PIK3C2G: variants seen among roughly 807,000 people sequenced by gnomAD.
PIK3C2G encodes phosphatidylinositol 3-kinase C2 domain-containing subunit gamma.
PIK3C2G carries 168 observed loss-of-function variants against 181.1 expected under a neutral mutation model. The observed-to-expected ratio is 0.93, with a 90% confidence interval of 0.82 to 1.05. The LOEUF is 1.05. Among genes scored for constraint, PIK3C2G ranks in the 50% least tolerant of loss-of-function variants. The pLI is 0.00. For synonymous variants in PIK3C2G, 573 were observed against 592.2 expected, an observed-to-expected ratio of 0.97 and a Z score of 0.47; for missense variants, 1,869 against 1,732.8, an observed-to-expected ratio of 1.08 and a Z score of -1.40.
chr12:18,542,054 G>A (rs151049480), intron 25 of PIK3C2G, among the ~76,000 whole-genome samples: 196 of 151,896 alleles, frequency 1.3e-3, no homozygotes, highest in African/African-American at 4.3e-3. Flanking sequence ...GCAAGGGAAC[G>A]AGTAAGTATA....
intron 29 of PIK3C2G, among the ~76,000 whole-genome samples, chr12:18,593,104 G>A (rs939357915): frequency 3.9e-5 from 6 of 151,934 alleles, no homozygotes; most frequent in East Asian, 1.9e-4. Context: ...TTCCTTCTAT[G>A]AGTGTGTCCA....
chr12:18,637,466 G>T (rs1565587282), intron 31 of PIK3C2G, among the ~76,000 whole-genome samples: 1 of 150,774 alleles, frequency 6.6e-6, no homozygotes, highest in Non-Finnish European at 1.5e-5. Flanking sequence ...TTCACTTCAA[G>T]GAACACATAA....
chr12:18,713,393 C>T, the PIK3C2G span, among the ~76,000 whole-genome samples: 1 of 152,098 alleles, frequency 6.6e-6, no homozygotes, highest in Non-Finnish European at 1.5e-5. Flanking sequence ...TCAAAGCCCT[C>T]TCAGAATAGT....
intron 1 of PIK3C2G, 91 bp from the exon 2 acceptor site, chr12:18,281,913 C>T (rs1457463523): frequency 1.8e-6 from 1 of 551,796 alleles, no homozygotes; most frequent in Non-Finnish European, 3.2e-6. Context: ...GCCCACAAAA[C>T]AGTTAGTTAT....
At chr12:18,393,982 T>C (rs1052847364) in intron 15 of PIK3C2G, among the ~76,000 whole-genome samples, 1 of 152,088 alleles carries the variant, frequency 6.6e-6, no homozygotes, top group Non-Finnish European at 1.5e-5. Context: ...TTCTTAAATA[T>C]TTGGTTGAGT....
chr12:18,710,836 G>A, the PIK3C2G span, among the ~76,000 whole-genome samples: 3 of 152,046 alleles, frequency 2.0e-5, no homozygotes, highest in Non-Finnish European at 2.9e-5. Flanking sequence ...ACAATGAGAT[G>A]CAATCTCACA....
chr12:18,248,979 C>T (rs1948069654), intron 1 of PIK3C2G, among the ~76,000 whole-genome samples: 1 of 152,134 alleles, frequency 6.6e-6, no homozygotes, highest in Non-Finnish European at 1.5e-5. Flanking sequence ...GACTCTAGCG[C>T]ATATTCTCTT....
At chr12:18,269,282 G>A (rs1306464011) in intron 1 of PIK3C2G, among the ~76,000 whole-genome samples, 1 of 151,924 alleles carries the variant, frequency 6.6e-6, no homozygotes, top group Non-Finnish European at 1.5e-5. Flanking sequence ...CATTAAGTAG[G>A]TATCTGTTCA....
intron 20 of PIK3C2G, 134 bp downstream of exon 20, chr12:18,491,692 C>T (rs1940584980): frequency 1.8e-6 from 1 of 557,310 alleles, no homozygotes; most frequent in African/African-American, 1.9e-5. Flanking sequence ...TAACTGAATC[C>T]ATTTACATTG....
At chr12:18,378,869 T>G (rs1346094715) in intron 13 of PIK3C2G, among the ~76,000 whole-genome samples, 1 of 152,122 alleles carries the variant, frequency 6.6e-6, no homozygotes, top group Non-Finnish European at 1.5e-5. Context: ...AAACAACAGG[T>G]GCTGGAGAGG....
chr12:18,577,116 A>G (rs976116916), intron 29 of PIK3C2G, among the ~76,000 whole-genome samples: 11 of 152,244 alleles, frequency 7.2e-5, no homozygotes, highest in African/African-American at 2.4e-4. Flanking sequence ...TCAATAGGAA[A>G]CTCCTAAATG....
chr12:18,422,320 T>A (rs12312473), intron 17 of PIK3C2G, among the ~76,000 whole-genome samples: 62,620 of 150,442 alleles, frequency 0.42, 13,179 homozygotes, highest in East Asian at 0.65. Flanking sequence ...TAGAAAAATT[T>A]AAAAAAAAAA....
intron 6 of PIK3C2G, among the ~76,000 whole-genome samples, chr12:18,316,258 G>A (rs541156945): frequency 5.3e-5 from 8 of 152,034 alleles, no homozygotes; most frequent in African/African-American, 9.7e-5. Flanking sequence ...GTCAGCAAGC[G>A]CAGTTACATA....
chr12:18,266,810 C>A (rs1173324806), intron 1 of PIK3C2G, among the ~76,000 whole-genome samples: 2 of 151,678 alleles, frequency 1.3e-5, no homozygotes, highest in Non-Finnish European at 2.9e-5. Flanking sequence ...CTCCTCTCGT[C>A]CTCTCTCCCT....
chr12:18,610,696 C>T (rs922051289), intron 31 of PIK3C2G, among the ~76,000 whole-genome samples: 1 of 151,724 alleles, frequency 6.6e-6, no homozygotes, highest in African/African-American at 2.4e-5. Context: ...TTAAAGAAAC[C>T]CTTACATTGC....
the PIK3C2G span, chr12:18,696,146 A>G: frequency 5.0e-6 from 7 of 1,389,884 alleles, no homozygotes; most frequent in South Asian, 1.2e-5. Context: ...CGTATATAAC[A>G]TACCCATTTG....
At chr12:18,650,664 A>ATGTGTGTG (rs1159499235), downstream of PIK3C2G, among the ~76,000 whole-genome samples, 2 of 35,608 alleles carry the variant, frequency 5.6e-5, no homozygotes, top group African/African-American at 9.9e-5. Flanking sequence ...TGGAATATAA[A>ATGTGTGTG]TGTGTGTGTG....
chr12:18,383,203 A>G (rs998561622), intron 14 of PIK3C2G, among the ~76,000 whole-genome samples: 2 of 152,210 alleles, frequency 1.3e-5, no homozygotes. Flanking sequence ...CAATTCAATC[A>G]CATTTGATTC....
chr12:18,650,696 GTGTGTGTGTATA>G (rs1950431438), downstream of PIK3C2G, among the ~76,000 whole-genome samples: 1 of 43,704 alleles, frequency 2.3e-5, no homozygotes, highest in African/African-American at 1.4e-4. Context: ...GTGTGTGTGT[GTGTGTGTGTATA>G]TATCTATATA....
Sources: gnomAD v4.1 joint callset for allele counts (sites outside exome capture counted in the v4.1 genomes callset) on GRCh38, gnomAD v4.1.1 for gene constraint, MANE v1.5 for transcripts, NCBI Gene and HGNC (gene_info 2026-07-23, HGNC 2026-07-21) for gene names.